METAP2: variants seen among roughly 807,000 people sequenced by gnomAD.
METAP2 encodes methionine aminopeptidase 2.
METAP2 carries 25 observed loss-of-function variants against 59.4 expected under a neutral mutation model. The observed-to-expected ratio is 0.42, with a 90% CI of 0.31 to 0.59. METAP2 has a LOEUF of 0.59. Among genes scored for constraint, METAP2 ranks in the 20% least tolerant of loss-of-function variants. The pLI is 0.16. For missense variants in METAP2, 366 were observed against 581.2 expected (o/e 0.63, Z 3.81); for synonymous variants, 214 against 194.1 (o/e 1.10, Z -0.85).
At chr12:95,484,884 A>G (rs939654300) in intron 3 of METAP2, 2 of 454,718 alleles carry the variant, frequency 4.4e-6, no homozygotes, top group Admixed American at 2.4e-5. Context: ...GTACTATTCT[A>G]TGTTCTTGTT....
chr12:95,492,931 C>T lies in METAP2; in HGVS notation c.429-1125C>T, dbSNP rs925316758. Among the ~76,000 whole-genome samples, 8 of 152,270 alleles carry T rather than the reference C, an allele frequency of 5.3e-5. No individual in the cohort carries two copies. The East Asian group carries it at 1.5e-3, about 29-fold the overall frequency. ...ATTGTAGCATGAAAATAGCTATAGA[C>T]AGTACATAAATGAGTGGGCACATGT... On this transcript the variant is annotated intron_variant, in intron 4 of 10. Coordinates refer to ENST00000323666, the MANE Select transcript of METAP2 (RefSeq NM_006838.4).
chr12:95,508,198 T>C (rs2076376784), intron 8 of METAP2, among the ~76,000 whole-genome samples: 1 of 152,232 alleles, frequency 6.6e-6, no homozygotes. Flanking sequence ...AAACATACTT[T>C]TCTTTGTATC....
chr12:95,476,167 A>C lies in METAP2; in HGVS notation c.248A>C (p.Glu83Ala). The C allele has an allele frequency of 6.3e-7, 1 of 1,596,460 alleles. No individual in the cohort carries two copies. Among genetic ancestry groups the C allele is most frequent in the Non-Finnish European group, 8.6e-7 (1 of 1,167,700 alleles). ...GCATTGGAAGATAAAGAAAGAGATG[A>C]AGATGATGAAGGTAAATGGTTAATT... ...RSALEDKERD[E>A]DDEDGDGDGD... Residue 83 changes from glutamate (E) to alanine (A), a missense_variant, in exon 2 of 11, where the codon GAA becomes GCA. Transcript: ENST00000323666.
At chr12:95,488,242 G>A (rs994342228) in intron 4 of METAP2, among the ~76,000 whole-genome samples, 2 of 151,970 alleles carry the variant, frequency 1.3e-5, no homozygotes, top group Admixed American at 6.6e-5. Context: ...GCTCATGCCT[G>A]TAATCCTAGC....
Position 95,476,068 on chromosome 12 carries a change from C to T in METAP2, c.152-3C>T. 5 of 1,576,894 alleles carry T rather than the reference C, an allele frequency of 3.2e-6. No homozygotes were observed. The highest frequency in any genetic ancestry group is 4.3e-6 in the Non-Finnish European group (5 of 1,154,178). ...TTGATTTCTGCTATTTTATTTTGATCAGCAGGGGAACAGGAACCTGATAAA... is the reference window on the plus strand; with the variant it reads ...TTGATTTCTGCTATTTTATTTTGATTAGCAGGGGAACAGGAACCTGATAAA... On this transcript the variant is annotated splice_region_variant and splice_polypyrimidine_tract_variant and intron_variant, in intron 1 of 10. Transcript: ENST00000323666.
intron 7 of METAP2, among the ~76,000 whole-genome samples, chr12:95,499,974 A>G (rs1007690438): frequency 2.1e-4 from 32 of 151,858 alleles, no homozygotes; most frequent in African/African-American, 7.7e-4. Flanking sequence ...TGATCCTATC[A>G]CCTCCCTCTC....
intron 8 of METAP2, among the ~76,000 whole-genome samples, chr12:95,504,482 T>G (rs1436846535): frequency 6.6e-6 from 1 of 152,188 alleles, no homozygotes; most frequent in African/African-American, 2.4e-5. Flanking sequence ...TGTGATTTTT[T>G]TTGTTGTTGT....
intron 7 of METAP2, among the ~76,000 whole-genome samples, chr12:95,498,146 A>C (rs945536696): frequency 1.3e-5 from 2 of 149,450 alleles, no homozygotes; most frequent in African/African-American, 2.5e-5. Flanking sequence ...AAAAAAAAAA[A>C]ACAGTAGAGA....
intron 3 of METAP2, chr12:95,484,904 A>C (rs1200472582): frequency 2.2e-6 from 1 of 452,862 alleles, no homozygotes; most frequent in South Asian, 1.6e-5. Flanking sequence ...TTTGGTTTTT[A>C]CTAATTTACT....
At chr12:95,481,231 A>C (rs2076156120) in intron 2 of METAP2, among the ~76,000 whole-genome samples, 1 of 152,166 alleles carries the variant, frequency 6.6e-6, no homozygotes, top group Non-Finnish European at 1.5e-5. Flanking sequence ...TGGGCAACTT[A>C]GACCTTGTCT....
intron 9 of METAP2, among the ~76,000 whole-genome samples, chr12:95,512,362 C>A (rs934194393): frequency 1.4e-4 from 21 of 152,082 alleles, no homozygotes; most frequent in Admixed American, 4.6e-4. Flanking sequence ...TAGATAAGGA[C>A]CGCCAGGGGC....
chr12:95,491,448 C>G (rs1032635909), intron 4 of METAP2, among the ~76,000 whole-genome samples: 2 of 152,278 alleles, frequency 1.3e-5, no homozygotes, highest in Middle Eastern at 3.4e-3. Context: ...TGCTTTATTT[C>G]TTACCCTTTA....
chr12:95,499,203 G>A (rs2076298064), intron 7 of METAP2, among the ~76,000 whole-genome samples: 1 of 152,146 alleles, frequency 6.6e-6, no homozygotes. Flanking sequence ...GCGCAGTGGT[G>A]TGATCTTGGC....
intron 1 of METAP2, among the ~76,000 whole-genome samples, chr12:95,475,240 T>C (rs2076109476): frequency 6.6e-6 from 1 of 152,290 alleles, no homozygotes; most frequent in East Asian, 1.9e-4. Flanking sequence ...GCGATTAAGA[T>C]GGAATTGAGA....
intron 6 of METAP2, among the ~76,000 whole-genome samples, chr12:95,495,729 A>G (rs149542174): frequency 6.6e-6 from 1 of 152,196 alleles, no homozygotes; most frequent in African/African-American, 2.4e-5. Context: ...GTTTCTGTTT[A>G]TATGTTTGTA....
chr12:95,508,489 T>C (rs2076378533), intron 8 of METAP2, among the ~76,000 whole-genome samples: 1 of 152,222 alleles, frequency 6.6e-6, no homozygotes. Flanking sequence ...CTGCTACAAA[T>C]GAACAGAATC....
chr12:95,510,984 G>A (rs1236293887), intron 8 of METAP2, among the ~76,000 whole-genome samples: 1 of 152,140 alleles, frequency 6.6e-6, no homozygotes, highest in Non-Finnish European at 1.5e-5. Flanking sequence ...TTTTATTCCA[G>A]TTGTTAAATG....
chr12:95,483,283 T>C lies in METAP2; in HGVS notation c.325+3T>C, dbSNP rs200538647. ...AAAGAAGAAGAAGAAGAGAGGACGT[T>C]AGTGTCTTAAGTTAATGTTAATTGA... On this transcript the variant is annotated splice_donor_region_variant and intron_variant, in intron 3 of 10. Coordinates refer to ENST00000323666, the MANE Select transcript of METAP2 (RefSeq NM_006838.4). The C allele has an allele frequency of 1.2e-6, 2 of 1,603,208 alleles. No individual in the cohort carries two copies. The highest frequency in any genetic ancestry group is 1.7e-6 in the Non-Finnish European group (2 of 1,170,382).
At chr12:95,499,216 G>T (rs546263550) in intron 7 of METAP2, among the ~76,000 whole-genome samples, 4 of 152,042 alleles carry the variant, frequency 2.6e-5, no homozygotes, top group Non-Finnish European at 5.9e-5. Flanking sequence ...ATCTTGGCTC[G>T]CTGCAACCTG....
Sources: allele counts gnomAD v4.1 joint callset (sites outside exome capture counted in the v4.1 genomes callset), GRCh38; gene constraint gnomAD v4.1.1; transcripts MANE v1.5; gene names NCBI Gene and HGNC (gene_info 2026-07-23, HGNC 2026-07-21).